The following SLC37A2 variants were observed in gnomAD, a reference collection of about 807,000 sequenced individuals.
The protein encoded by SLC37A2 is glucose-6-phosphate exchanger SLC37A2.
Under a neutral mutation model 70.7 loss-of-function variants are expected in SLC37A2, and 59 were observed. That is an observed-to-expected ratio of 0.83 (90% CI 0.68 to 1.04). The LOEUF is 1.04. Among genes scored for constraint, SLC37A2 ranks in the 50% least tolerant of loss-of-function variants. The pLI, the probability that SLC37A2 is intolerant of heterozygous loss-of-function variation, is 0.00. For synonymous variants in SLC37A2, 257 were observed against 262.1 expected (o/e 0.98, Z 0.19); for missense variants, 580 against 658.1 (o/e 0.88, Z 1.30).
chr11:125,078,638 G>C (rs543244237), intron 4 of SLC37A2, among the ~76,000 whole-genome samples: 3 of 152,162 alleles, frequency 2.0e-5, no homozygotes, highest in Admixed American at 2.0e-4. Context: ...GATGATGAAG[G>C]CGTCAGGGTG....
chr11:125,081,827 T>G lies in SLC37A2; in HGVS notation c.806T>G (p.Leu269Arg). 6.2e-7 allele frequency: 1 copy of G among 1,614,016 alleles called. No homozygotes were observed. The highest frequency in any genetic ancestry group is 8.5e-7 in the Non-Finnish European group (1 of 1,179,948). ...NSPCSIRESG[L>R]ETVAKCSKGP... ...CCCTGCTCTATCAGGGAGAGCGGCCTTGAGACTGTGGCCAAATGCTCCAAG... is the reference window on the plus strand; with the variant it reads ...CCCTGCTCTATCAGGGAGAGCGGCCGTGAGACTGTGGCCAAATGCTCCAAG... Residue 269 changes from leucine to arginine, a missense_variant, in exon 9 of 18, where the codon CTT becomes CGT. Transcript: ENST00000403796.
In SLC37A2 at chr11:125,083,717, C is replaced by A; in HGVS notation, c.977-98C>A. 9.3e-7 allele frequency: 1 copy of A among 1,073,762 alleles called. No homozygotes were observed. Among genetic ancestry groups the A allele is most frequent in the Non-Finnish European group, 1.4e-6 (1 of 696,342 alleles). 66.5% of individuals were successfully genotyped at this position (1,073,762 alleles called of 1,614,324 possible). A position where few individuals can be genotyped will look rare whatever the true frequency, so the allele number is the denominator to read the frequency against. ...CCCAGCTCTTCCTCGGAAAAGGGGG[C>A]AGTGGTCTGGATCACGCTCTGCAGG... On this transcript the variant is annotated intron_variant, in intron 10 of 17. Transcript: ENST00000403796. The surrounding 1 kb of genome is among the most constrained non-coding windows in gnomAD (Gnocchi z 4.6).
chr11:125,064,082 G>A (rs1295242742), intron 1 of SLC37A2, among the ~76,000 whole-genome samples: 1 of 152,174 alleles, frequency 6.6e-6, no homozygotes, highest in Admixed American at 6.5e-5. Flanking sequence ...CCTTAGAGGC[G>A]GTCAACCATT....
In SLC37A2 at chr11:125,088,909, TTAAG is replaced by T. The variant is rs1414744340; in HGVS notation, c.*778_*781del. On this transcript the variant is annotated 3_prime_UTR_variant, in exon 18 of 18. Transcript: ENST00000403796. ...ATGACTAAAAATACCAGTATGTGTATTAAGTATTTTGAGAATGAAATGCCAAGGA... is the reference window on the plus strand; with the variant it reads ...ATGACTAAAAATACCAGTATGTGTATTATTTTGAGAATGAAATGCCAAGGA... 1.3e-5 allele frequency: 2 copies of T among 151,558 alleles called. No homozygotes were observed. Among genetic ancestry groups the T allele is most frequent in the Non-Finnish European group, 2.9e-5 (2 of 68,036 alleles). 9.4% of individuals were successfully genotyped at this position (151,558 alleles called of 1,614,324 possible).
intron 7 of SLC37A2, among the ~76,000 whole-genome samples, 158 bp from the exon 8 acceptor site, chr11:125,081,263 C>A (rs1949143646): frequency 6.6e-6 from 1 of 152,070 alleles, no homozygotes; most frequent in Non-Finnish European, 1.5e-5. Flanking sequence ...AGGCCCCGCT[C>A]CCTCCTGCTG....
At position 125,081,458 on chromosome 11, in the gene SLC37A2, C is replaced by T. The variant is rs780006466; in HGVS notation, c.732C>T (p.His244=). 1.2e-5 allele frequency: 19 copies of T among 1,609,834 alleles called. No homozygotes were observed. The highest frequency in any genetic ancestry group is 4.5e-5 in the East Asian group (2 of 44,734). ...TGGACTGCGCCCCTCCTCAGCACCA[C>T]GTGAGTGTGAGCCCTCCCAGCCCTA... ...EDVDCAPPQH[H]GEPAENQDNP... is the part of the protein sequence containing the mutation. The change falls in exon 8 of 18, where the codon CAC becomes CAT. Residue 244 remains histidine (H), a splice_region_variant and synonymous_variant. Coordinates refer to ENST00000403796, the MANE Select transcript of SLC37A2 (RefSeq NM_001145290.2).
chr11:125,083,979 G>A lies in SLC37A2; in HGVS notation c.1039+102G>A. The A allele has an allele frequency of 2.5e-6, 3 of 1,208,792 alleles. No individual in the cohort carries two copies. Among genetic ancestry groups the A allele is most frequent in the Non-Finnish European group, 3.6e-6 (3 of 828,902 alleles). The allele number at this position is 1,208,792 out of a possible 1,614,324, so 74.9% of individuals were successfully genotyped here. On this transcript the variant is annotated intron_variant, in intron 11 of 17. Coordinates refer to ENST00000403796, the MANE Select transcript of SLC37A2 (RefSeq NM_001145290.2). The surrounding 1 kb of genome is among the most constrained non-coding windows in gnomAD (Gnocchi z 4.6). Reference sequence around the variant, plus strand: ...CGATGGGCTATGACCTGGGTAGGTGGCACCAGAGGAAAAATGGCTCCTGGG... The same window carrying A: ...CGATGGGCTATGACCTGGGTAGGTGACACCAGAGGAAAAATGGCTCCTGGG...
chr11:125,069,363 G>T (rs932288216), intron 1 of SLC37A2, among the ~76,000 whole-genome samples: 1 of 152,200 alleles, frequency 6.6e-6, no homozygotes, highest in African/African-American at 2.4e-5. Context: ...GTGGGGAAAA[G>T]ATTACATGGC....
Position 125,080,880 on chromosome 11 carries a change from G to T in SLC37A2, c.694+100G>T. 9.2e-7 allele frequency: 1 copy of T among 1,082,656 alleles called. No homozygotes were observed. The highest frequency in any genetic ancestry group is 1.2e-6 in the Non-Finnish European group (1 of 817,762). The allele number at this position is 1,082,656 out of a possible 1,614,324, so 67.1% of individuals were successfully genotyped here. ...GGAAAGATTGCTGGTCACAGAGTGG[G>T]AGGACCAGCCGTGTGACTTTGGACA... On this transcript the variant is annotated intron_variant, in intron 7 of 17. Transcript: ENST00000403796. This position sits in a 1 kb window ranked among gnomAD's most constrained non-coding sequence, Gnocchi z 4.3.
intron 17 of SLC37A2, 72 bp from the exon 18 acceptor site, chr11:125,088,047 C>G: frequency 6.6e-7 from 1 of 1,514,536 alleles, no homozygotes; most frequent in Non-Finnish European, 9.0e-7. Flanking sequence ...CCTGCCTTTC[C>G]TCTCCCTACT....
In SLC37A2 at chr11:125,063,570, C is replaced by T; in HGVS notation, c.59+144C>T. ...TGCTGGGGGGACTTGGTCCCGAGCT[C>T]CTCCAGCGGCGCCCGCCTCGGAGGT... On this transcript the variant is annotated intron_variant, in intron 1 of 17. Coordinates refer to ENST00000403796, the MANE Select transcript of SLC37A2 (RefSeq NM_001145290.2). The surrounding 1 kb of genome is among the most constrained non-coding windows in gnomAD (Gnocchi z 5.4). The T allele has an allele frequency of 1.4e-6, 1 of 711,168 alleles. No homozygotes were observed. Among genetic ancestry groups the T allele is most frequent in the Non-Finnish European group, 2.2e-6 (1 of 454,288 alleles). 44.1% of individuals were successfully genotyped at this position (711,168 alleles called of 1,614,324 possible).
chr11:125,068,899 G>T (rs980969716), intron 1 of SLC37A2, among the ~76,000 whole-genome samples: 5 of 152,204 alleles, frequency 3.3e-5, no homozygotes, highest in African/African-American at 1.2e-4. Context: ...GCTTTCACAT[G>T]TCCCCAAGGA....
At chr11:125,079,633 C>T (rs773768953) in intron 5 of SLC37A2, 51 bp from the exon 6 acceptor site, 10 of 1,459,490 alleles carry the variant, frequency 6.9e-6, no homozygotes, top group South Asian at 1.2e-5. Flanking sequence ...GAGCAGGGAG[C>T]CAGTCGCACA....
At position 125,080,785 on chromosome 11, in the gene SLC37A2, G is replaced by A; in HGVS notation, c.694+5G>A. Reference sequence around the variant, plus strand: ...CCTTCCTCTTCCTCATCGAACGTGAGTGGGCCCCTCACTCCCCACAAGTGA... The same window carrying A: ...CCTTCCTCTTCCTCATCGAACGTGAATGGGCCCCTCACTCCCCACAAGTGA... On this transcript the variant is annotated splice_donor_5th_base_variant and intron_variant, in intron 7 of 17. Coordinates refer to ENST00000403796, the MANE Select transcript of SLC37A2 (RefSeq NM_001145290.2). This position sits in a 1 kb window ranked among gnomAD's most constrained non-coding sequence, Gnocchi z 4.3. The A allele has an allele frequency of 6.8e-7, 1 of 1,461,624 alleles. No homozygotes were observed. Among genetic ancestry groups the A allele is most frequent in the Non-Finnish European group, 9.1e-7 (1 of 1,098,096 alleles). The allele number at this position is 1,461,624 out of a possible 1,614,324, so 90.5% of individuals were successfully genotyped here. A position where few individuals can be genotyped will look rare whatever the true frequency, so the allele number is the denominator to read the frequency against.
In SLC37A2 at chr11:125,079,168, T is replaced by C. The variant is rs1949121615; in HGVS notation, c.371T>C (p.Leu124Pro). 6.2e-7 allele frequency: 1 copy of C among 1,614,216 alleles called. No individual in the cohort carries two copies. Among genetic ancestry groups the C allele is most frequent in the Non-Finnish European group, 8.5e-7 (1 of 1,180,032 alleles). ...LRYYLSAGML[L>P]SGLFTSLFGL... ...TACTACCTCTCAGCTGGAATGCTGC[T>C]CAGTGGCCTTTTCACCTCGCTCTTT... The change falls in exon 5 of 18, where the codon CTC (leucine) becomes CCC (proline). Residue 124 changes from leucine to proline, a missense_variant. Physicochemically the swap from Leu to Pro is moderately conservative, Grantham distance 98 (BLOSUM62 -3). Transcript: ENST00000403796.
intron 1 of SLC37A2, among the ~76,000 whole-genome samples, chr11:125,070,989 AT>A (rs1401610996): frequency 6.6e-6 from 1 of 152,140 alleles, no homozygotes; most frequent in Non-Finnish European, 1.5e-5. Context: ...TGTTTTTTCC[AT>A]TCAAGCTTCT....
At chr11:125,081,113 C>T (rs1409340015) in intron 7 of SLC37A2, among the ~76,000 whole-genome samples, 1 of 152,174 alleles carries the variant, frequency 6.6e-6, no homozygotes, top group South Asian at 2.1e-4. Context: ...AGGCTCTCCA[C>T]TTGCTGCAGG....
intron 1 of SLC37A2, among the ~76,000 whole-genome samples, chr11:125,065,437 G>T (rs7924354): frequency 0.2 from 30,044 of 152,156 alleles, 3,118 homozygotes; most frequent in Admixed American, 0.26. Flanking sequence ...CCTGACATTA[G>T]TAAGCCGAGT....
chr11:125,072,822 A>C (rs1213273195), intron 1 of SLC37A2, among the ~76,000 whole-genome samples: 3 of 152,212 alleles, frequency 2.0e-5, no homozygotes, highest in African/African-American at 7.2e-5. Context: ...TGGGGAATGG[A>C]TAGAGCACCA....
Sources: allele counts gnomAD v4.1 joint callset (sites outside exome capture counted in the v4.1 genomes callset), GRCh38; gene constraint gnomAD v4.1.1; non-coding constraint Gnocchi (gnomAD v3.1); transcripts MANE v1.5; gene names NCBI Gene and HGNC (gene_info 2026-07-23, HGNC 2026-07-21).